LANCL2: variants seen among roughly 807,000 people sequenced by gnomAD.
LANCL2 encodes the protein LanC like glutathione S-transferase 2.
Under a neutral mutation model 56.9 loss-of-function variants are expected in LANCL2, and 33 were observed. The observed-to-expected ratio is 0.58, with a 90% confidence interval of 0.44 to 0.78. The LOEUF (loss-of-function observed/expected upper bound fraction) is 0.78. LANCL2 is among the 30% of genes least tolerant of loss of function. LANCL2 has a pLI of 0.00. For synonymous variants in LANCL2, 233 were observed against 228.2 expected, an observed-to-expected ratio of 1.02 and a Z score of -0.19; for missense variants, 562 against 580.2, an observed-to-expected ratio of 0.97 and a Z score of 0.32.
intron 6 of LANCL2, among the ~76,000 whole-genome samples, chr7:55,416,222 T>A (rs1208287745): frequency 6.6e-6 from 1 of 152,220 alleles, no homozygotes; most frequent in Non-Finnish European, 1.5e-5. Flanking sequence ...GGTTGATTAA[T>A]GTTGCATGTG....
rs566097512 is a variant in LANCL2, at chr7:55,429,701, C to G, written c.1258+1254C>G. Among the ~76,000 whole-genome samples the G allele has an allele frequency of 4.6e-5, 7 of 152,356 alleles. No individual in the cohort carries two copies. The South Asian group carries it at 8.3e-4, about 18-fold the overall frequency. ...TCATAAAAATGCAATGCATTTGCAT[C>G]AGATATAACAGAGTTAATGCCTGAA... On this transcript the variant is annotated intron_variant, in intron 8 of 8. Transcript: ENST00000254770.
Position 55,412,028 on chromosome 7 carries a change from G to A in LANCL2, c.947G>A (p.Arg316Gln), listed in dbSNP as rs750705317. 1.1e-5 allele frequency: 17 copies of A among 1,614,058 alleles called. No individual in the cohort carries two copies. Among genetic ancestry groups the A allele is most frequent in the Middle Eastern group, 1.6e-4 (1 of 6,084 alleles). The change falls in exon 6 of 9, where the codon CGG (arginine) becomes CAG (glutamine). Residue 316 changes from arginine to glutamine, a missense_variant. Transcript: ENST00000254770. ...TCATCATTAAGCAATGAAACAGACC[G>A]GCTGGTGCACTGGTGCCACGGCGCC... is the stretch of plus-strand genomic sequence containing the variant. ...YPSSLSNETD[R>Q]LVHWCHGAPG...
chr7:55,395,984 C>T (rs1300522610), intron 2 of LANCL2, among the ~76,000 whole-genome samples: 1 of 152,210 alleles, frequency 6.6e-6, no homozygotes, highest in Non-Finnish European at 1.5e-5. Flanking sequence ...AGCTGTACAG[C>T]ATTACTGCAC....
At position 55,431,958 on chromosome 7, in the gene LANCL2, G is replaced by A. The variant is rs150403313; in HGVS notation, c.*638G>A. Reference sequence around the variant, plus strand: ...AAGCCTCAGAGTGCATTGCAGCTCTGTCAGGGCCCCATTCCCAGCAGAGGC... The same window carrying A: ...AAGCCTCAGAGTGCATTGCAGCTCTATCAGGGCCCCATTCCCAGCAGAGGC... On this transcript the variant is annotated 3_prime_UTR_variant, in exon 9 of 9. Transcript: ENST00000254770. 1.3e-5 allele frequency: 2 copies of A among 152,354 alleles called. No individual in the cohort carries two copies. The highest frequency in any genetic ancestry group is 2.4e-5 in the African/African-American group (1 of 41,566). 9.4% of individuals were successfully genotyped at this position (152,354 alleles called of 1,614,324 possible). A position where few individuals can be genotyped will look rare whatever the true frequency, so the allele number is the denominator to read the frequency against.
chr7:55,373,882 C>T (rs771379432), intron 1 of LANCL2, among the ~76,000 whole-genome samples: 2 of 152,190 alleles, frequency 1.3e-5, no homozygotes, highest in Admixed American at 6.5e-5. Context: ...GGACAACTAG[C>T]AGTTGGCTAG....
intron 1 of LANCL2, among the ~76,000 whole-genome samples, chr7:55,378,533 C>CGT (rs71031838): frequency 0.015 from 2,279 of 150,336 alleles, 51 homozygotes; most frequent in African/African-American, 0.038. Flanking sequence ...TATATGTATA[C>CGT]GTGTGTGTGT....
intron 6 of LANCL2, among the ~76,000 whole-genome samples, chr7:55,412,579 A>G (rs1042072807): frequency 5.9e-5 from 9 of 152,228 alleles, no homozygotes; most frequent in African/African-American, 2.2e-4. Flanking sequence ...TACTATAGGA[A>G]AATTGGCTAA....
intron 3 of LANCL2, 58 bp from the exon 4 acceptor site, chr7:55,399,899 T>G: frequency 7.0e-7 from 1 of 1,433,488 alleles, no homozygotes; most frequent in Non-Finnish European, 9.6e-7. Flanking sequence ...GGTTAGTGTT[T>G]CAGGAAGAAG....
intron 1 of LANCL2, among the ~76,000 whole-genome samples, chr7:55,374,789 A>G (rs969809317): frequency 3.3e-5 from 5 of 152,266 alleles, no homozygotes; most frequent in African/African-American, 1.2e-4. Flanking sequence ...AATCTTTCCT[A>G]AGAAAAGAAT....
Position 55,432,169 on chromosome 7 carries a change from C to T in LANCL2, c.*849C>T, listed in dbSNP as rs1347679561. On this transcript the variant is annotated 3_prime_UTR_variant, in exon 9 of 9. Transcript: ENST00000254770. ...AACAGGCTCCACCTCAGTTTATCAA[C>T]ATTATAAGTTACTGTTCTAAGAAAA... 1.3e-5 allele frequency: 2 copies of T among 152,200 alleles called. No individual in the cohort carries two copies. The highest frequency in any genetic ancestry group is 2.9e-5 in the Non-Finnish European group (2 of 68,042). The allele number at this position is 152,200 out of a possible 1,614,324, so 9.4% of individuals were successfully genotyped here. A position where few individuals can be genotyped will look rare whatever the true frequency, so the allele number is the denominator to read the frequency against.
chr7:55,421,797 G>T (rs1439181661), intron 6 of LANCL2, among the ~76,000 whole-genome samples: 1 of 152,176 alleles, frequency 6.6e-6, no homozygotes, highest in African/African-American at 2.4e-5. Context: ...AGGTGGTTCT[G>T]CTTCCTCCAG....
At chr7:55,377,090 G>T (rs1005831563) in intron 1 of LANCL2, among the ~76,000 whole-genome samples, 1 of 152,138 alleles carries the variant, frequency 6.6e-6, no homozygotes, top group Admixed American at 6.5e-5. Context: ...ACAGTTGTTA[G>T]AGTGTTGATT....
chr7:55,375,420 T>A (rs892613904), intron 1 of LANCL2, among the ~76,000 whole-genome samples: 3 of 152,198 alleles, frequency 2.0e-5, no homozygotes, highest in African/African-American at 7.2e-5. Flanking sequence ...TCTCTGTCCT[T>A]CAGCACAGAA....
At chr7:55,374,461 A>G (rs550986615) in intron 1 of LANCL2, among the ~76,000 whole-genome samples, 1 of 152,332 alleles carries the variant, frequency 6.6e-6, no homozygotes, top group South Asian at 2.1e-4. Context: ...AGTTTAGGTA[A>G]GGACCTGTTT....
intron 3 of LANCL2, among the ~76,000 whole-genome samples, chr7:55,398,922 A>G (rs1790287883): frequency 6.6e-6 from 1 of 152,220 alleles, no homozygotes. Flanking sequence ...TAGATTCACC[A>G]TAATAACTAA....
chr7:55,397,656 C>CCT (rs1790270270), intron 2 of LANCL2, among the ~76,000 whole-genome samples: 1 of 108,852 alleles, frequency 9.2e-6, no homozygotes, highest in Non-Finnish European at 1.8e-5. Context: ...TATACTGATT[C>CCT]TTTTTTTTTT....
chr7:55,403,123 C>T (rs1473210641), intron 5 of LANCL2, among the ~76,000 whole-genome samples: 7 of 152,240 alleles, frequency 4.6e-5, no homozygotes, highest in Admixed American at 2.0e-4. Context: ...GCCGAGATCA[C>T]GCCACTGCAC....
chr7:55,413,808 T>A (rs757079082), intron 6 of LANCL2, among the ~76,000 whole-genome samples: 2 of 152,208 alleles, frequency 1.3e-5, no homozygotes, highest in African/African-American at 2.4e-5. Context: ...CTTTAAAACT[T>A]AATTCTGTCC....
rs76797412 is a variant in LANCL2 at position 55,419,773 on chromosome 7, T to C, written c.1009-5481T>C. On this transcript the variant is annotated intron_variant, in intron 6 of 8. Transcript: ENST00000254770. Reference sequence around the variant, plus strand: ...AGTCTAGATAGCAGCTGTGTCAAAGTTGTATTGCTCTTTCAAAGAAATAAA... The same window carrying C: ...AGTCTAGATAGCAGCTGTGTCAAAGCTGTATTGCTCTTTCAAAGAAATAAA... Among the ~76,000 whole-genome samples, 829 of 152,336 alleles carry C rather than the reference T, an allele frequency of 5.4e-3. 14 individuals carry two copies. The highest frequency in any genetic ancestry group is 0.019 in the African/African-American group (774 of 41,586).
Sources: gnomAD v4.1 joint callset for allele counts (sites outside exome capture counted in the v4.1 genomes callset) on GRCh38, gnomAD v4.1.1 for gene constraint, MANE v1.5 for transcripts, NCBI Gene and HGNC (gene_info 2026-07-23, HGNC 2026-07-21) for gene names.